The following GSE1 variants were observed in gnomAD, a reference collection of about 807,000 sequenced individuals.
GSE1 encodes the protein genetic suppressor element 1.
A neutral mutation model predicts 112.6 loss-of-function variants in GSE1; 32 were observed. The ratio of observed to expected loss-of-function variants is 0.28; its 90% CI spans 0.21 to 0.38. The LOEUF (loss-of-function observed/expected upper bound fraction) is 0.38, where lower values mean the gene tolerates loss of function less well. Ranked by LOEUF, GSE1 falls within the 10% of genes least tolerant of loss-of-function variation. The probability of loss-of-function intolerance (pLI) is 1.00; values close to 1 mark genes in which losing one functional copy is unlikely to be tolerated. For synonymous variants in GSE1, 1,115 were observed against 735.6 expected (o/e 1.52, Z -8.35); for missense variants, 2,348 against 1,699.2 (o/e 1.38, Z -6.71).
At chr16:85,292,232 G>C (rs918394857) in intron 1 of GSE1, among the ~76,000 whole-genome samples, 4 of 151,510 alleles carry the variant, frequency 2.6e-5, no homozygotes, top group African/African-American at 9.7e-5. Flanking sequence ...TCCGCCTCCT[G>C]GGTTAAAGCA....
intron 2 of GSE1, among the ~76,000 whole-genome samples, chr16:85,389,688 G>A (rs1467343449): frequency 1.3e-5 from 2 of 152,122 alleles, no homozygotes; most frequent in African/African-American, 2.4e-5. Context: ...GAGCCCCCAA[G>A]GTCTTCTCTT....
intron 2 of GSE1, among the ~76,000 whole-genome samples, chr16:85,495,406 C>G (rs1333548984): frequency 1.3e-5 from 2 of 151,922 alleles, no homozygotes; most frequent in Non-Finnish European, 2.9e-5. Flanking sequence ...GTTTGAAGCT[C>G]AGATGAGAAC....
At chr16:85,515,137 C>A (rs1297315916) in intron 2 of GSE1, among the ~76,000 whole-genome samples, 1 of 152,204 alleles carries the variant, frequency 6.6e-6, no homozygotes, top group Non-Finnish European at 1.5e-5. Flanking sequence ...TCTTGCTGCT[C>A]CCAGTGTGCC....
At chr16:85,350,696 C>T (rs2046834955) in intron 1 of GSE1, among the ~76,000 whole-genome samples, 1 of 152,228 alleles carries the variant, frequency 6.6e-6, no homozygotes, top group South Asian at 2.1e-4. Flanking sequence ...TTGTTGAGAA[C>T]CTGCTATGTT....
At chr16:85,350,768 C>A (rs1295090161) in intron 1 of GSE1, among the ~76,000 whole-genome samples, 1 of 152,168 alleles carries the variant, frequency 6.6e-6, no homozygotes, top group Admixed American at 6.5e-5. Flanking sequence ...GAGGTAGGCA[C>A]TGTGTTGTCA....
At chr16:85,635,024 C>A (rs938527369) in intron 2 of GSE1, among the ~76,000 whole-genome samples, 3 of 152,150 alleles carry the variant, frequency 2.0e-5, no homozygotes, top group African/African-American at 7.2e-5. Flanking sequence ...GGTTAAGATC[C>A]GGGTGCCAGG....
At chr16:85,454,831 T>C (rs899727724) in intron 2 of GSE1, among the ~76,000 whole-genome samples, 4 of 151,978 alleles carry the variant, frequency 2.6e-5, no homozygotes. Flanking sequence ...ACGGCACTCC[T>C]CCCTAGGTTT....
chr16:85,330,862 G>A (rs747619734), intron 1 of GSE1, among the ~76,000 whole-genome samples: 2 of 152,136 alleles, frequency 1.3e-5, no homozygotes, highest in Non-Finnish European at 2.9e-5. Flanking sequence ...CCAGGCTTGG[G>A]AAGTCTGAGT....
intron 15 of GSE1, 90 bp downstream of exon 15, chr16:85,671,188 ATGTGCT>A: frequency 7.9e-6 from 6 of 757,102 alleles, no homozygotes; most frequent in East Asian, 5.3e-5. Context: ...CAGAGAGGAA[ATGTGCT>A]CTTAAGAGAT....
rs370959084 is a variant in GSE1, at chr16:85,671,673, TC to T, written c.3519+577del. On this transcript the variant is annotated intron_variant, in intron 15 of 15. Coordinates refer to ENST00000253458, the MANE Select transcript of GSE1 (RefSeq NM_014615.5). Reference sequence around the variant, plus strand: ...CTAGGATTTACTTATAGAATATCGATCCTGGAAGGGTAGGGATGCTGTTTGT... The same window carrying T: ...CTAGGATTTACTTATAGAATATCGATCTGGAAGGGTAGGGATGCTGTTTGT... Among the ~76,000 whole-genome samples, 582 of 152,232 alleles carry T rather than the reference TC, an allele frequency of 3.8e-3. 5 individuals are homozygous for T. Among genetic ancestry groups the T allele is most frequent in the African/African-American group, 0.013 (553 of 41,544 alleles).
intron 2 of GSE1, among the ~76,000 whole-genome samples, chr16:85,635,755 C>G (rs2049943246): frequency 1.3e-5 from 2 of 152,236 alleles, no homozygotes; most frequent in African/African-American, 4.8e-5. Flanking sequence ...ATCCTTGCAT[C>G]CTGCTTTCAT....
At chr16:85,462,584 C>T (rs1239854527) in intron 2 of GSE1, among the ~76,000 whole-genome samples, 3 of 151,246 alleles carry the variant, frequency 2.0e-5, no homozygotes, top group African/African-American at 7.3e-5. Context: ...CCTTAATTAG[C>T]AGCGGCGGGG....
chr16:85,493,998 C>T (rs1208151929), intron 2 of GSE1, among the ~76,000 whole-genome samples: 1 of 152,198 alleles, frequency 6.6e-6, no homozygotes, highest in Non-Finnish European at 1.5e-5. Context: ...GTGGGAGGAT[C>T]GCTTGGGCCC....
intron 1 of GSE1, among the ~76,000 whole-genome samples, chr16:85,211,299 G>T (rs906587198): frequency 1.4e-5 from 2 of 144,108 alleles, no homozygotes; most frequent in Non-Finnish European, 3.1e-5. Context: ...CAGGCTTGTG[G>T]TTTTTTTTTT....
intron 1 of GSE1, among the ~76,000 whole-genome samples, chr16:85,188,209 G>A (rs1032340239): frequency 3.9e-5 from 6 of 152,188 alleles, no homozygotes; most frequent in Non-Finnish European, 7.3e-5. Flanking sequence ...ATTCAGACAC[G>A]TGGTCCTTCA....
intron 2 of GSE1, among the ~76,000 whole-genome samples, chr16:85,646,967 T>G (rs1316838165): frequency 6.6e-6 from 1 of 152,112 alleles, no homozygotes; most frequent in Non-Finnish European, 1.5e-5. Context: ...CAGGTGCCTT[T>G]GGACACCCCC....
intron 1 of GSE1, among the ~76,000 whole-genome samples, chr16:85,313,405 C>T (rs1403498344): frequency 1.3e-5 from 2 of 152,164 alleles, no homozygotes; most frequent in Admixed American, 6.5e-5. Context: ...GTGGAAGTCT[C>T]GGATTGGCTT....
At chr16:85,269,611 C>T (rs1009354608) in intron 1 of GSE1, among the ~76,000 whole-genome samples, 8 of 149,332 alleles carry the variant, frequency 5.4e-5, no homozygotes, top group South Asian at 2.1e-4. Flanking sequence ...TGCTGCCTCC[C>T]GTGCTCTGCA....
intron 2 of GSE1, among the ~76,000 whole-genome samples, chr16:85,455,381 A>G (rs922332396): frequency 6.7e-6 from 1 of 149,654 alleles, no homozygotes; most frequent in Non-Finnish European, 1.5e-5. Context: ...GGCATTACAA[A>G]AGAGAGAGAG....
Sources: allele counts gnomAD v4.1 joint callset (sites outside exome capture counted in the v4.1 genomes callset), GRCh38; gene constraint gnomAD v4.1.1; transcripts MANE v1.5; gene names NCBI Gene and HGNC (gene_info 2026-07-23, HGNC 2026-07-21).